PAFAH1B1: variants seen among roughly 807,000 people sequenced by gnomAD.
PAFAH1B1 encodes platelet-activating factor acetylhydrolase IB subunit beta.
Under a neutral mutation model 57.5 loss-of-function variants are expected in PAFAH1B1, and 2 were observed. The observed-to-expected ratio is 0.03, with a 90% CI of 0.01 to 0.11. The LOEUF is 0.11. PAFAH1B1 is among the 10% of genes least tolerant of loss of function. The probability of loss-of-function intolerance (pLI) is 1.00; values close to 1 mark genes in which losing one functional copy is unlikely to be tolerated. For missense variants in PAFAH1B1, 257 were observed against 512.0 expected (o/e 0.50, Z 4.81); for synonymous variants, 152 against 169.6 (o/e 0.90, Z 0.81).
rs946331754 is a variant in PAFAH1B1, at chr17:2,682,811, C to T, written c.*1009C>T. The T allele has an allele frequency of 2.6e-5, 4 of 152,548 alleles. No individual in the cohort carries two copies. The highest frequency in any genetic ancestry group is 9.7e-5 in the African/African-American group (4 of 41,408). 9.4% of individuals were successfully genotyped at this position (152,548 alleles called of 1,614,324 possible). ...AACATGAATCTGATATTGATTTAAA[C>T]TGTGTTTCACTTACAAGTTTTAAAA... On this transcript the variant is annotated 3_prime_UTR_variant, in exon 11 of 11. Coordinates refer to ENST00000397195, the MANE Select transcript of PAFAH1B1 (RefSeq NM_000430.4).
intron 2 of PAFAH1B1, among the ~76,000 whole-genome samples, chr17:2,645,620 TA>T (rs2151640133): frequency 6.9e-6 from 1 of 145,472 alleles, no homozygotes; most frequent in African/African-American, 2.5e-5. Flanking sequence ...TATATATATA[TA>T]TATTTTTTGT....
At chr17:2,674,330 T>C (rs770851391) in intron 8 of PAFAH1B1, 42 bp downstream of exon 8, 34 of 1,434,648 alleles carry the variant, frequency 2.4e-5, no homozygotes, top group Admixed American at 2.0e-4. Context: ...ATTGCTGATA[T>C]CTGAAGTCCT....
intron 8 of PAFAH1B1, chr17:2,676,283 C>G (rs2069266435): frequency 2.1e-6 from 1 of 474,894 alleles, no homozygotes; most frequent in East Asian, 4.1e-5. Context: ...GAGGCTGAGG[C>G]AGGAGATTCG....
At chr17:2,671,356 G>A (rs568473156) in intron 6 of PAFAH1B1, among the ~76,000 whole-genome samples, 4 of 151,716 alleles carry the variant, frequency 2.6e-5, no homozygotes, top group East Asian at 3.9e-4. Context: ...TTATAGGCAC[G>A]CGCCACCACG....
chr17:2,672,839 G>A (rs189997880), intron 7 of PAFAH1B1, 82 bp downstream of exon 7: 57 of 840,400 alleles, frequency 6.8e-5, no homozygotes, highest in Admixed American at 9.3e-5. Flanking sequence ...GGAGGCCAAG[G>A]TGGGCAGATC....
intron 1 of PAFAH1B1, among the ~76,000 whole-genome samples, chr17:2,611,093 C>T (rs977493117): frequency 3.9e-5 from 6 of 152,120 alleles, no homozygotes; most frequent in Admixed American, 1.3e-4. Context: ...TCTTCTTCAT[C>T]CTTGTCTGTC....
At chr17:2,657,810 C>T (rs893427037) in intron 2 of PAFAH1B1, among the ~76,000 whole-genome samples, 2 of 152,190 alleles carry the variant, frequency 1.3e-5, no homozygotes, top group Non-Finnish European at 2.9e-5. Context: ...CCATATATAA[C>T]TTAACCTTCT....
chr17:2,629,088 A>C (rs1156777006), intron 1 of PAFAH1B1, among the ~76,000 whole-genome samples: 1 of 151,580 alleles, frequency 6.6e-6, no homozygotes, highest in Non-Finnish European at 1.5e-5. Context: ...TGTTTGTTTC[A>C]ATTTCATTTA....
intron 1 of PAFAH1B1, among the ~76,000 whole-genome samples, chr17:2,632,117 T>TG (rs1245080963): frequency 1.3e-5 from 2 of 152,182 alleles, no homozygotes; most frequent in African/African-American, 4.8e-5. Context: ...TTTGTAGAGA[T>TG]GGGGTCTTGC....
chr17:2,647,776 G>A (rs990046581), intron 2 of PAFAH1B1, among the ~76,000 whole-genome samples: 3 of 151,926 alleles, frequency 2.0e-5, no homozygotes, highest in African/African-American at 7.3e-5. Context: ...AGGCTGAGGT[G>A]GGTGGATCAT....
chr17:2,629,934 A>C (rs2068534893), intron 1 of PAFAH1B1, among the ~76,000 whole-genome samples: 1 of 152,074 alleles, frequency 6.6e-6, no homozygotes, highest in Non-Finnish European at 1.5e-5. Context: ...ATTTGCATGA[A>C]ATGCCCTTTT....
chr17:2,616,132 A>G (rs2068337593), intron 1 of PAFAH1B1, among the ~76,000 whole-genome samples: 1 of 152,190 alleles, frequency 6.6e-6, no homozygotes, highest in South Asian at 2.1e-4. Context: ...AGTTTATTAC[A>G]TTTGATAATC....
At chr17:2,672,285 C>CAAAAAAAAAA (rs35332619) in intron 6 of PAFAH1B1, among the ~76,000 whole-genome samples, 1 of 69,588 alleles carries the variant, frequency 1.4e-5, no homozygotes, top group Non-Finnish European at 2.4e-5. Context: ...CCTTGCCTCA[C>CAAAAAAAAAA]AAAAAAAAAA....
intron 2 of PAFAH1B1, among the ~76,000 whole-genome samples, chr17:2,650,639 CAAAAAAAAA>C (rs10582467): frequency 2.2e-4 from 24 of 108,826 alleles, no homozygotes; most frequent in African/African-American, 2.4e-4. Flanking sequence ...GACTCTGTCT[CAAAAAAAAA>C]AAAAAAAAAA....
intron 6 of PAFAH1B1, among the ~76,000 whole-genome samples, chr17:2,670,640 A>C (rs1392955099): frequency 2.6e-5 from 4 of 152,278 alleles, no homozygotes; most frequent in Non-Finnish European, 4.4e-5. Context: ...AATTTTTGTT[A>C]GTTGGGAAAC....
chr17:2,646,399 T>C (rs1293684555), intron 2 of PAFAH1B1, among the ~76,000 whole-genome samples: 4 of 149,930 alleles, frequency 2.7e-5, no homozygotes, highest in African/African-American at 9.7e-5. Flanking sequence ...GGTATCCTAT[T>C]AGGTTTGAAA....
At chr17:2,678,029 G>C (rs996080507) in intron 9 of PAFAH1B1, among the ~76,000 whole-genome samples, 1 of 151,612 alleles carries the variant, frequency 6.6e-6, no homozygotes, top group Non-Finnish European at 1.5e-5. Context: ...GGCTGAGGCA[G>C]GTGGATCACC....
At chr17:2,643,633 C>T (rs2068726060) in intron 2 of PAFAH1B1, among the ~76,000 whole-genome samples, 1 of 151,796 alleles carries the variant, frequency 6.6e-6, no homozygotes, top group Admixed American at 6.6e-5. Context: ...GATCTCAGCT[C>T]CCTGCAACCT....
chr17:2,637,337 A>G (rs1292505519), intron 1 of PAFAH1B1, among the ~76,000 whole-genome samples: 1 of 152,202 alleles, frequency 6.6e-6, no homozygotes, highest in East Asian at 1.9e-4. Flanking sequence ...ATAAGATTCC[A>G]GCACTTTGGG....
Sources: gnomAD v4.1 joint callset for allele counts (sites outside exome capture counted in the v4.1 genomes callset) on GRCh38, gnomAD v4.1.1 for gene constraint, MANE v1.5 for transcripts, NCBI Gene and HGNC (gene_info 2026-07-23, HGNC 2026-07-21) for gene names.